The following CNTN4 variants were observed in gnomAD, a reference collection of about 807,000 sequenced individuals.
CNTN4 encodes contactin-4.
In CNTN4, 77 loss-of-function variants were observed where a neutral mutation model predicts 122.5. The ratio of observed to expected loss-of-function variants is 0.63; its 90% CI spans 0.52 to 0.76. The LOEUF (loss-of-function observed/expected upper bound fraction) is 0.76. Among genes scored for constraint, CNTN4 ranks in the 30% least tolerant of loss-of-function variants. CNTN4 has a pLI of 0.00. For synonymous variants in CNTN4, 512 were observed against 447.0 expected, an observed-to-expected ratio of 1.15 and a Z score of -1.83; for missense variants, 1,256 against 1,259.1, an observed-to-expected ratio of 1.00 and a Z score of 0.04.
At chr3:2,892,352 C>T (rs754743000) in intron 10 of CNTN4, 2 of 152,152 alleles carry the variant, frequency 1.3e-5, no homozygotes, top group East Asian at 1.9e-4. Flanking sequence ...AGTGAGAATG[C>T]TCTATGTTTA....
At chr3:2,347,448 C>T (rs1666332) in intron 3 of CNTN4, among the ~76,000 whole-genome samples, 50,883 of 138,220 alleles carry the variant, frequency 0.37, 9,608 homozygotes, top group African/African-American at 0.44. Context: ...ATCTCGCTGT[C>T]GCCCAGTCTG....
intron 8 of CNTN4, among the ~76,000 whole-genome samples, chr3:2,879,507 C>A (rs1471642003): frequency 6.6e-6 from 1 of 152,042 alleles, no homozygotes; most frequent in Admixed American, 6.5e-5. Flanking sequence ...TATTATTCTG[C>A]AATAAAAAGG....
At chr3:2,591,050 A>G (rs1002838620) in intron 4 of CNTN4, among the ~76,000 whole-genome samples, 1 of 152,170 alleles carries the variant, frequency 6.6e-6, no homozygotes, top group African/African-American at 2.4e-5. Flanking sequence ...CAAGTTGGAA[A>G]CAGTGCCTAG....
At chr3:2,733,588 C>T (rs567605677) in intron 4 of CNTN4, among the ~76,000 whole-genome samples, 5 of 130,568 alleles carry the variant, frequency 3.8e-5, no homozygotes. Context: ...GGCTGGAGTT[C>T]AGTGGTGTGA....
intron 13 of CNTN4, among the ~76,000 whole-genome samples, chr3:2,969,084 AT>A (rs1175166607): frequency 6.6e-6 from 1 of 152,086 alleles, no homozygotes; most frequent in African/African-American, 2.4e-5. Context: ...ATTCTACATT[AT>A]TTTCATAATA....
At chr3:2,601,179 T>C (rs1413186606) in intron 4 of CNTN4, among the ~76,000 whole-genome samples, 2 of 152,184 alleles carry the variant, frequency 1.3e-5, no homozygotes, top group Non-Finnish European at 2.9e-5. Flanking sequence ...GTAGTTTCTT[T>C]TGTTGTGCAG....
intron 2 of CNTN4, among the ~76,000 whole-genome samples, chr3:2,103,068 A>G (rs571249225): frequency 1.3e-5 from 2 of 152,170 alleles, no homozygotes; most frequent in Non-Finnish European, 2.9e-5. Context: ...TCTATTGTAC[A>G]GATGAGGAAA....
At chr3:2,966,060 C>T (rs1396127200) in intron 13 of CNTN4, among the ~76,000 whole-genome samples, 1 of 152,042 alleles carries the variant, frequency 6.6e-6, no homozygotes, top group East Asian at 1.9e-4. Flanking sequence ...ATTTCCAATT[C>T]ATCTTTATTG....
intron 3 of CNTN4, among the ~76,000 whole-genome samples, chr3:2,553,320 G>A (rs1348432071): frequency 6.6e-6 from 1 of 152,054 alleles, no homozygotes; most frequent in Non-Finnish European, 1.5e-5. Context: ...TATCTACAGC[G>A]TTCTGTCTCT....
intron 2 of CNTN4, among the ~76,000 whole-genome samples, chr3:2,199,515 T>C (rs1391265422): frequency 1.3e-5 from 2 of 152,162 alleles, no homozygotes; most frequent in Admixed American, 6.5e-5. Flanking sequence ...TGGATTCTGC[T>C]TCTGACTCCA....
intron 2 of CNTN4, among the ~76,000 whole-genome samples, chr3:2,241,005 T>C (rs756868042): frequency 6.6e-6 from 1 of 152,170 alleles, no homozygotes; most frequent in Non-Finnish European, 1.5e-5. Context: ...AGTAAAAATA[T>C]ATTTTTATGG....
At chr3:2,256,209 T>C (rs2040584222) in intron 2 of CNTN4, among the ~76,000 whole-genome samples, 1 of 152,180 alleles carries the variant, frequency 6.6e-6, no homozygotes, top group East Asian at 1.9e-4. Flanking sequence ...TATAAATTCC[T>C]GGACACATAC....
intron 6 of CNTN4, among the ~76,000 whole-genome samples, chr3:2,778,030 C>T (rs549226553): frequency 8.6e-5 from 13 of 151,336 alleles, no homozygotes; most frequent in South Asian, 2.1e-4. Flanking sequence ...CTGGCTAACA[C>T]GGTGAAACCC....
chr3:2,371,181 A>G (rs982834512), intron 3 of CNTN4, among the ~76,000 whole-genome samples: 3 of 152,222 alleles, frequency 2.0e-5, no homozygotes, highest in Admixed American at 6.5e-5. Context: ...CAAGCCAGCC[A>G]GAAATTTAAG....
chr3:2,665,904 C>G (rs1006370767), intron 4 of CNTN4, among the ~76,000 whole-genome samples: 1 of 152,070 alleles, frequency 6.6e-6, no homozygotes, highest in Non-Finnish European at 1.5e-5. Flanking sequence ...TGCCTTTTTT[C>G]GAAGGTTAGT....
chr3:2,633,241 A>C (rs897574862), intron 4 of CNTN4, among the ~76,000 whole-genome samples: 1 of 152,182 alleles, frequency 6.6e-6, no homozygotes, highest in African/African-American at 2.4e-5. Flanking sequence ...CATAAAACAC[A>C]ACATAAATGA....
At chr3:2,837,522 A>G (rs1438781503) in intron 7 of CNTN4, among the ~76,000 whole-genome samples, 3 of 152,198 alleles carry the variant, frequency 2.0e-5, no homozygotes, top group African/African-American at 7.2e-5. Flanking sequence ...ATCTGCACAC[A>G]GCAACGGTCA....
At chr3:2,748,645 A>G (rs150256999) in intron 6 of CNTN4, among the ~76,000 whole-genome samples, 3,356 of 152,258 alleles carry the variant, frequency 0.022, 68 homozygotes, top group Middle Eastern at 0.031. Flanking sequence ...TCGAACTCCA[A>G]TTTCATCCAC....
At chr3:2,663,106 GA>G (rs5846202) in intron 4 of CNTN4, among the ~76,000 whole-genome samples, 66,117 of 148,510 alleles carry the variant, frequency 0.45, 15,282 homozygotes, top group African/African-American at 0.58. Flanking sequence ...TGTCTCAGAA[GA>G]AAAAAAAAAG....
Sources: gnomAD v4.1 joint callset for allele counts (sites outside exome capture counted in the v4.1 genomes callset) on GRCh38, gnomAD v4.1.1 for gene constraint, MANE v1.5 for transcripts, NCBI Gene and HGNC (gene_info 2026-07-23, HGNC 2026-07-21) for gene names.